TRIM27: variants seen among roughly 807,000 people sequenced by gnomAD.
TRIM27 encodes the protein zinc finger protein RFP.
In TRIM27, 12 loss-of-function variants were observed where a neutral mutation model predicts 57.6. The observed-to-expected ratio is 0.21, with a 90% CI of 0.13 to 0.34. TRIM27 has a LOEUF of 0.34. Among genes scored for constraint, TRIM27 ranks in the 10% least tolerant of loss-of-function variants. TRIM27 has a pLI of 1.00. For synonymous variants in TRIM27, 266 were observed against 259.0 expected (o/e 1.03, Z -0.26); for missense variants, 403 against 656.8 (o/e 0.61, Z 4.22).
rs1424430378 is a variant in TRIM27 at position 28,906,927 on chromosome 6, GGCAGA to G, written c.946+304_946+308del. ...CATGGTTTGACCCTGAAGCTGGGCG[GGCAGA>G]GCAGTGTACTAGTGTACCAGCTCTG... is the stretch of plus-strand genomic sequence containing the variant. On this transcript the variant is annotated intron_variant, in intron 7 of 7. Transcript: ENST00000377199. 10 of 305,330 alleles carry G rather than the reference GGCAGA, an allele frequency of 3.3e-5. 1 individual carries two copies. The highest frequency in any genetic ancestry group is 1.7e-4 in the African/African-American group (8 of 46,094). 18.9% of individuals were successfully genotyped at this position (305,330 alleles called of 1,614,324 possible). A position where few individuals can be genotyped will look rare whatever the true frequency, so the allele number is the denominator to read the frequency against.
intron 1 of TRIM27, among the ~76,000 whole-genome samples, chr6:28,922,538 C>T (rs769936211): frequency 1.3e-5 from 2 of 152,184 alleles, no homozygotes; most frequent in Admixed American, 6.5e-5. Context: ...ATTCCTGAAG[C>T]CCTCAACGTA....
At chr6:28,908,613 TAC>T (rs1772952076) in intron 6 of TRIM27, 193 bp downstream of exon 6, 1 of 563,634 alleles carries the variant, frequency 1.8e-6, no homozygotes, top group Admixed American at 3.3e-5. Context: ...ATTGACTAAA[TAC>T]AGTTAACAAA....
intron 4 of TRIM27, among the ~76,000 whole-genome samples, chr6:28,910,570 T>C (rs184041759): frequency 1.3e-5 from 2 of 152,266 alleles, no homozygotes; most frequent in Admixed American, 1.3e-4. Flanking sequence ...CCTCAGGTGA[T>C]CCACCTGACT....
At chr6:28,909,157 G>C (rs1772992232) in intron 4 of TRIM27, 69 bp from the exon 5 acceptor site, 2 of 1,121,534 alleles carry the variant, frequency 1.8e-6, no homozygotes, top group Non-Finnish European at 1.3e-6. Context: ...GCCCAGGCTG[G>C]AGTGCAATGG....
In TRIM27 at chr6:28,904,740, A is replaced by G. The variant is rs908593044; in HGVS notation, c.947-75T>C. ...TTAGAACACCCAGCGCCTTTCTACT[A>G]CCTCCCCAATAATAAGAGGTTCCCA... On this transcript the variant is annotated intron_variant, in intron 7 of 7. Coordinates refer to ENST00000377199, the MANE Select transcript of TRIM27 (RefSeq NM_006510.5). The surrounding 1 kb of genome is among the most constrained non-coding windows in gnomAD (Gnocchi z 6.1). 44 of 1,059,166 alleles carry G rather than the reference A, an allele frequency of 4.2e-5. No homozygotes were observed. The African/African-American group carries it at 6.7e-4, about 16-fold the overall frequency. 65.6% of individuals were successfully genotyped at this position (1,059,166 alleles called of 1,614,324 possible).
At position 28,911,615 on chromosome 6, in the gene TRIM27, G is replaced by A; in HGVS notation, c.770+81C>T. 3 of 1,425,688 alleles carry A rather than the reference G, an allele frequency of 2.1e-6. No homozygotes were observed. In the South Asian group the frequency reaches 3.6e-5, roughly 17 times the overall value. 88.3% of individuals were successfully genotyped at this position (1,425,688 alleles called of 1,614,324 possible). On this transcript the variant is annotated intron_variant, in intron 4 of 7. Coordinates refer to ENST00000377199, the MANE Select transcript of TRIM27 (RefSeq NM_006510.5). ...GATAAGATGTCCATCCTCAGGCTCA[G>A]GGCTCCTTTCAGGATTTACAAATGT...
Position 28,923,749 on chromosome 6 carries a change from G to A in TRIM27, c.-117C>T, listed in dbSNP as rs2150498290. 2.5e-6 allele frequency: 3 copies of A among 1,201,976 alleles called. No individual in the cohort carries two copies. The highest frequency in any genetic ancestry group is 2.2e-6 in the Non-Finnish European group (2 of 890,042). The allele number at this position is 1,201,976 out of a possible 1,614,324, so 74.5% of individuals were successfully genotyped here. A position where few individuals can be genotyped will look rare whatever the true frequency, so the allele number is the denominator to read the frequency against. On this transcript the variant is annotated 5_prime_UTR_variant, in exon 1 of 8. Transcript: ENST00000377199. ...CCTGAGAGGCACCGGGCGGACGGAGGGCGGCGCCTCCCGGGCCCGTATCCC... is the reference window on the plus strand; with the variant it reads ...CCTGAGAGGCACCGGGCGGACGGAGAGCGGCGCCTCCCGGGCCCGTATCCC...
At chr6:28,910,310 C>G (rs1231840444) in intron 4 of TRIM27, among the ~76,000 whole-genome samples, 1 of 148,454 alleles carries the variant, frequency 6.7e-6, no homozygotes, top group Non-Finnish European at 1.5e-5. Flanking sequence ...TAGCCACAGA[C>G]TACCTACCTG....
chr6:28,916,968 T>C (rs1773656670), intron 3 of TRIM27, among the ~76,000 whole-genome samples: 1 of 151,536 alleles, frequency 6.6e-6, no homozygotes, highest in African/African-American at 2.4e-5. Flanking sequence ...ATGGCAAAAC[T>C]CCATCTCTAC....
At chr6:28,909,112 ATTTTT>A in intron 4 of TRIM27, 24 bp from the exon 5 acceptor site, 2 of 1,262,592 alleles carry the variant, frequency 1.6e-6, no homozygotes, top group Non-Finnish European at 2.2e-6. Flanking sequence ...ACATGAGTAA[ATTTTT>A]TTTTTTTTTG....
In TRIM27 at chr6:28,904,685, ACAGT is replaced by A; in HGVS notation, c.947-24_947-21del. ...CGTCCACTGTAGAGACACAAGGAAG[ACAGT>A]CAGCCGTGGGCCAGGAGAGCCTATT... On this transcript the variant is annotated intron_variant, in intron 7 of 7. Transcript: ENST00000377199. The surrounding 1 kb of genome is among the most constrained non-coding windows in gnomAD (Gnocchi z 6.1). The A allele has an allele frequency of 6.3e-7, 1 of 1,579,244 alleles. No individual in the cohort carries two copies. The highest frequency in any genetic ancestry group is 8.6e-7 in the Non-Finnish European group (1 of 1,167,004).
intron 3 of TRIM27, among the ~76,000 whole-genome samples, chr6:28,919,433 C>A (rs555781822): frequency 4.6e-5 from 7 of 152,194 alleles, no homozygotes; most frequent in Non-Finnish European, 1.0e-4. Context: ...TAGTGCCTGA[C>A]ACAAAGCAAA....
chr6:28,907,462 G>A, intron 6 of TRIM27, 200 bp from the exon 7 acceptor site: 2 of 712,718 alleles, frequency 2.8e-6, no homozygotes. Flanking sequence ...AGAGGGATTG[G>A]GAATCTTAAG....
intron 3 of TRIM27, among the ~76,000 whole-genome samples, chr6:28,912,670 T>C (rs1243696815): frequency 6.6e-6 from 1 of 152,222 alleles, no homozygotes; most frequent in Non-Finnish European, 1.5e-5. Flanking sequence ...TGTAGGTTTC[T>C]AAGTCAGACT....
At chr6:28,918,871 A>C (rs2150487305) in intron 3 of TRIM27, among the ~76,000 whole-genome samples, 1 of 152,140 alleles carries the variant, frequency 6.6e-6, no homozygotes, top group East Asian at 1.9e-4. Flanking sequence ...GCAAGACTCA[A>C]TCTCAAAATA....
chr6:28,922,419 C>T (rs1774116654), intron 1 of TRIM27, among the ~76,000 whole-genome samples: 1 of 152,178 alleles, frequency 6.6e-6, no homozygotes, highest in African/African-American at 2.4e-5. Context: ...CCAACCTACT[C>T]AAGAGTTCTC....
At chr6:28,913,013 T>C (rs1331130756) in intron 3 of TRIM27, among the ~76,000 whole-genome samples, 2 of 152,126 alleles carry the variant, frequency 1.3e-5, no homozygotes, top group Non-Finnish European at 2.9e-5. Context: ...CCCAGCACTT[T>C]GGGAGGTCCA....
Position 28,911,645 on chromosome 6 carries a change from G to C in TRIM27, c.770+51C>G, listed in dbSNP as rs1373678877. The C allele has an allele frequency of 3.8e-6, 6 of 1,578,664 alleles. No individual in the cohort carries two copies. In the African/African-American group the frequency reaches 6.8e-5, roughly 18 times the overall value. ...CCTTTCAGGATTTACAAATGTGAAG[G>C]AGACAGTCTTCTCATATTTGATTTA... On this transcript the variant is annotated intron_variant, in intron 4 of 7. Transcript: ENST00000377199.
intron 6 of TRIM27, chr6:28,907,940 C>A: frequency 5.2e-6 from 1 of 191,142 alleles, no homozygotes. Context: ...CATATATGAA[C>A]CCAGCATATA....
Sources: gnomAD v4.1 joint callset for allele counts (sites outside exome capture counted in the v4.1 genomes callset) on GRCh38, gnomAD v4.1.1 for gene constraint, Gnocchi (gnomAD v3.1) non-coding constraint, MANE v1.5 for transcripts, NCBI Gene and HGNC (gene_info 2026-07-23, HGNC 2026-07-21) for gene names.